The following CDYL variants were observed in gnomAD, a reference collection of about 807,000 sequenced individuals.
CDYL encodes chromodomain Y like.
CDYL carries 8 observed loss-of-function variants against 47.3 expected under a neutral mutation model. The observed-to-expected ratio is 0.17, with a 90% confidence interval of 0.10 to 0.31. The LOEUF (loss-of-function observed/expected upper bound fraction) is 0.31. Among genes scored for constraint, CDYL ranks in the 10% least tolerant of loss-of-function variants. The pLI, the probability that CDYL is intolerant of heterozygous loss-of-function variation, is 1.00. For missense variants in CDYL, 471 were observed against 701.4 expected, an observed-to-expected ratio of 0.67 and a Z score of 3.71; for synonymous variants, 266 against 265.0, an observed-to-expected ratio of 1.00 and a Z score of -0.04.
chr6:4,902,533 C>G (rs991219376), intron 2 of CDYL, among the ~76,000 whole-genome samples: 1 of 152,162 alleles, frequency 6.6e-6, no homozygotes, highest in Non-Finnish European at 1.5e-5. Context: ...TGCAGCTGTG[C>G]CCAAGATGCT....
In CDYL at chr6:4,818,488, C is replaced by A. The variant is rs61010847; in HGVS notation, c.24+41681C>A. ...CAGTCTTTGCCCTTAGTTGATTGTG[C>A]GGACCTTGGGGGTGTTAGAATTTTC... On this transcript the variant is annotated intron_variant, in intron 1 of 6. Transcript: ENST00000397588. Among the ~76,000 whole-genome samples the A allele has an allele frequency of 2.6e-5, 4 of 152,130 alleles. No individual in the cohort carries two copies. In the South Asian group the frequency reaches 8.3e-4, roughly 32 times the overall value.
At chr6:4,843,668 T>G (rs1387145521) in intron 1 of CDYL, among the ~76,000 whole-genome samples, 5 of 152,122 alleles carry the variant, frequency 3.3e-5, no homozygotes, top group Admixed American at 1.3e-4. Flanking sequence ...TTCATTTCCA[T>G]AAGTCGTGAT....
chr6:4,776,214 G>A (rs1217355487), upstream of CDYL, among the ~76,000 whole-genome samples: 3 of 136,838 alleles, frequency 2.2e-5, no homozygotes, highest in African/African-American at 8.0e-5. Context: ...CCTTCCTGCC[G>A]GCTCGCTCCC....
chr6:4,852,064 C>T (rs1760845118), intron 1 of CDYL, among the ~76,000 whole-genome samples: 1 of 152,088 alleles, frequency 6.6e-6, no homozygotes, highest in Non-Finnish European at 1.5e-5. Flanking sequence ...GATGGCTTCC[C>T]CTTTGCTCTT....
At chr6:4,749,132 T>TG (rs1020276330) in intron 3 of CDYL, among the ~76,000 whole-genome samples, 1 of 152,150 alleles carries the variant, frequency 6.6e-6, no homozygotes, top group Non-Finnish European at 1.5e-5. Context: ...TCTCAAAAAC[T>TG]GGGGGGAAAA....
chr6:4,749,499 G>T (rs1243097140), intron 3 of CDYL, among the ~76,000 whole-genome samples: 1 of 152,134 alleles, frequency 6.6e-6, no homozygotes, highest in East Asian at 1.9e-4. Context: ...TGAATGAATG[G>T]AAGGATAGAT....
intron 4 of CDYL, among the ~76,000 whole-genome samples, chr6:4,938,887 T>C (rs1319673547): frequency 6.6e-6 from 1 of 152,216 alleles, no homozygotes; most frequent in African/African-American, 2.4e-5. Context: ...TCATATCCCC[T>C]CATTTATCAT....
chr6:4,909,992 C>T (rs930478928), intron 2 of CDYL, among the ~76,000 whole-genome samples: 1 of 152,046 alleles, frequency 6.6e-6, no homozygotes, highest in African/African-American at 2.4e-5. Context: ...TTCTTTCCTC[C>T]TGTTTTGCAC....
intron 1 of CDYL, among the ~76,000 whole-genome samples, chr6:4,863,976 A>G (rs1434995645): frequency 6.6e-6 from 1 of 152,188 alleles, no homozygotes; most frequent in East Asian, 1.9e-4. Flanking sequence ...TAGATATATT[A>G]TTAGAAAGTA....
At chr6:4,810,783 G>C (rs1338730347) in intron 1 of CDYL, among the ~76,000 whole-genome samples, 1 of 152,158 alleles carries the variant, frequency 6.6e-6, no homozygotes, top group Non-Finnish European at 1.5e-5. Context: ...GACTAGCCAG[G>C]TCTCTTATCA....
intron 1 of CDYL, among the ~76,000 whole-genome samples, chr6:4,838,115 G>A (rs1760378488): frequency 6.6e-6 from 1 of 152,044 alleles, no homozygotes; most frequent in Non-Finnish European, 1.5e-5. Context: ...TGTATCTATT[G>A]TAATGCCTTG....
intron 2 of CDYL, among the ~76,000 whole-genome samples, chr6:4,731,776 G>A (rs1389159369): frequency 6.6e-6 from 1 of 151,458 alleles, no homozygotes; most frequent in East Asian, 1.9e-4. Context: ...AGCCAACATC[G>A]CACCACTGCA....
chr6:4,746,893 C>T (rs1757908301), intron 3 of CDYL, among the ~76,000 whole-genome samples: 1 of 152,150 alleles, frequency 6.6e-6, no homozygotes, highest in Non-Finnish European at 1.5e-5. Flanking sequence ...CCCCTCACCC[C>T]ATCTACTCTT....
chr6:4,892,960 C>T (rs1762093262), intron 2 of CDYL, among the ~76,000 whole-genome samples: 1 of 152,226 alleles, frequency 6.6e-6, no homozygotes, highest in Non-Finnish European at 1.5e-5. Context: ...ACTCTCATCC[C>T]CAGCCCCGCT....
chr6:4,946,118 T>C (rs1258061327), intron 5 of CDYL, among the ~76,000 whole-genome samples: 1 of 152,198 alleles, frequency 6.6e-6, no homozygotes, highest in Non-Finnish European at 1.5e-5. Context: ...CATCAGCCTT[T>C]GGTAAGTCAG....
intron 3 of CDYL, among the ~76,000 whole-genome samples, chr6:4,736,904 C>T (rs1360278496): frequency 6.6e-6 from 1 of 152,130 alleles, no homozygotes; most frequent in Non-Finnish European, 1.5e-5. Flanking sequence ...TAGTGGTAAA[C>T]AGAATACACT....
chr6:4,870,205 CAGGTGTGTGCCACTG>C lies in CDYL; in HGVS notation c.25-21492_25-21478del, dbSNP rs112540598. Among the ~76,000 whole-genome samples, 1,181 of 152,272 alleles carry C rather than the reference CAGGTGTGTGCCACTG, an allele frequency of 7.8e-3. 14 individuals are homozygous for C. Among genetic ancestry groups the C allele is most frequent in the African/African-American group, 0.027 (1,136 of 41,546 alleles). On this transcript the variant is annotated intron_variant, in intron 1 of 6. Coordinates refer to ENST00000397588, the MANE Select transcript of CDYL (RefSeq NM_004824.4). The stretch of plus-strand genomic sequence containing the variant: ...TCAGCTTCCCAAGTAGCTTGGACTA[CAGGTGTGTGCCACTG>C]AGGTGTGTGCCACTGTGCCTAGCCT...
chr6:4,780,884 C>T (rs752437416), intron 1 of CDYL, among the ~76,000 whole-genome samples: 41 of 152,136 alleles, frequency 2.7e-4, no homozygotes, highest in Non-Finnish European at 4.4e-4. Flanking sequence ...AGTCAAGTAA[C>T]CACCATGAGA....
intron 1 of CDYL, among the ~76,000 whole-genome samples, chr6:4,820,653 A>AC (rs1759808597): frequency 6.6e-6 from 1 of 152,184 alleles, no homozygotes; most frequent in Non-Finnish European, 1.5e-5. Flanking sequence ...GGCTGCATAG[A>AC]CAGGAAAACT....
Sources: allele counts gnomAD v4.1 joint callset (sites outside exome capture counted in the v4.1 genomes callset), GRCh38; gene constraint gnomAD v4.1.1; transcripts MANE v1.5; gene names NCBI Gene and HGNC (gene_info 2026-07-23, HGNC 2026-07-21).